HMGA2: variants seen among roughly 807,000 people sequenced by gnomAD.
The protein encoded by HMGA2 is high mobility group AT-hook 2, also known as high mobility group protein HMGI-C.
In HMGA2, 8 loss-of-function variants were observed where a neutral mutation model predicts 19.1. The observed-to-expected ratio is 0.42, with a 90% CI of 0.25 to 0.76. The LOEUF (loss-of-function observed/expected upper bound fraction) is 0.76. Among genes scored for constraint, HMGA2 ranks in the 30% least tolerant of loss-of-function variants. HMGA2 has a pLI of 0.28. For synonymous variants in HMGA2, 60 were observed against 48.8 expected (o/e 1.23, Z -0.96); for missense variants, 109 against 136.3 (o/e 0.80, Z 1.00).
At chr12:65,898,826 C>T (rs561075175) in intron 3 of HMGA2, among the ~76,000 whole-genome samples, 28 of 152,118 alleles carry the variant, frequency 1.8e-4, no homozygotes, top group Admixed American at 9.2e-4. Flanking sequence ...AGGCAGGTCA[C>T]AAGGTCAGGA....
chr12:65,866,468 T>TAACAGCAGATAGGACA (rs1872417802), intron 3 of HMGA2, among the ~76,000 whole-genome samples: 1 of 152,106 alleles, frequency 6.6e-6, no homozygotes, highest in East Asian at 1.9e-4. Flanking sequence ...TGGGCAACAT[T>TAACAGCAGATAGGACA]AACAGCAGAT....
chr12:65,830,573 A>T (rs1471064047), intron 2 of HMGA2, among the ~76,000 whole-genome samples: 1 of 151,918 alleles, frequency 6.6e-6, no homozygotes, highest in Admixed American at 6.6e-5. Context: ...AGGAGCTGCA[A>T]TGCACACTGA....
At chr12:65,842,803 G>A in intron 3 of HMGA2, 1 of 1,372,210 alleles carries the variant, frequency 7.3e-7, no homozygotes, top group Non-Finnish European at 9.4e-7. Context: ...TTCTATTCTT[G>A]CCTAGGAAAG....
At chr12:65,835,458 G>A (rs1177016709) in intron 2 of HMGA2, among the ~76,000 whole-genome samples, 1 of 152,182 alleles carries the variant, frequency 6.6e-6, no homozygotes, top group African/African-American at 2.4e-5. Context: ...TCTTCTAGAT[G>A]TAGTCTCAGA....
At chr12:65,925,858 T>C (rs1875486894) in intron 3 of HMGA2, among the ~76,000 whole-genome samples, 1 of 152,046 alleles carries the variant, frequency 6.6e-6, no homozygotes, top group African/African-American at 2.4e-5. Context: ...AGGAAGGAAG[T>C]TGTGAAAGGG....
chr12:65,903,371 G>T (rs1874453193), intron 3 of HMGA2, among the ~76,000 whole-genome samples: 1 of 152,174 alleles, frequency 6.6e-6, no homozygotes, highest in Admixed American at 6.5e-5. Context: ...TAAATCAATT[G>T]ATTTTTCAGC....
At chr12:65,834,965 A>G (rs1870650017) in intron 2 of HMGA2, among the ~76,000 whole-genome samples, 1 of 152,226 alleles carries the variant, frequency 6.6e-6, no homozygotes, top group Non-Finnish European at 1.5e-5. Context: ...ACTTTTAATG[A>G]GATATGATTG....
chr12:65,832,508 T>A (rs1482187341), intron 2 of HMGA2, among the ~76,000 whole-genome samples: 1 of 151,998 alleles, frequency 6.6e-6, no homozygotes, highest in Non-Finnish European at 1.5e-5. Flanking sequence ...TTTCAGTTCT[T>A]TCTTGAGAAT....
Position 65,838,523 on chromosome 12 carries a change from C to T in HMGA2, c.203C>T (p.Ala68Val). The T allele has an allele frequency of 6.2e-7, 1 of 1,610,730 alleles. No homozygotes were observed. The highest frequency in any genetic ancestry group is 8.5e-7 in the Non-Finnish European group (1 of 1,177,452). The change falls in exon 3 of 5, where the codon GCA becomes GTA. Residue 68 changes from alanine to valine, a missense_variant. Transcript: ENST00000403681. ...GACTTCCTTTTTCATTTGCAGAAAG[C>T]AGAAGCCACTGGAGAAAAACGGCCA... ...KSPSKAAQKK[A>V]EATGEKRPRG...
intron 3 of HMGA2, among the ~76,000 whole-genome samples, chr12:65,935,757 T>A (rs1875868339): frequency 6.6e-6 from 1 of 152,226 alleles, no homozygotes; most frequent in South Asian, 2.1e-4. Flanking sequence ...TTTTTTTCTT[T>A]CAAATCCTGA....
At chr12:65,860,400 C>G (rs1871995187) in intron 3 of HMGA2, among the ~76,000 whole-genome samples, 1 of 152,196 alleles carries the variant, frequency 6.6e-6, no homozygotes, top group South Asian at 2.1e-4. Context: ...ATCACTTTCA[C>G]ACCATCGTAA....
intron 3 of HMGA2, among the ~76,000 whole-genome samples, chr12:65,901,789 C>T (rs945266507): frequency 6.6e-6 from 1 of 151,998 alleles, no homozygotes; most frequent in Non-Finnish European, 1.5e-5. Context: ...TGACATGAAT[C>T]TATAAATCCC....
At chr12:65,828,503 A>T (rs1454381725) in intron 2 of HMGA2, 2 of 224,358 alleles carry the variant, frequency 8.9e-6, no homozygotes, top group African/African-American at 4.7e-5. Context: ...ATAAAGATTG[A>T]TTTACTTTGT....
chr12:65,849,461 C>G (rs1871361232), intron 3 of HMGA2, among the ~76,000 whole-genome samples: 1 of 152,130 alleles, frequency 6.6e-6, no homozygotes, highest in African/African-American at 2.4e-5. Flanking sequence ...TCATTCTGTG[C>G]TATTAATCTA....
intron 3 of HMGA2, among the ~76,000 whole-genome samples, chr12:65,892,954 T>A (rs886218553): frequency 1.3e-5 from 2 of 152,178 alleles, no homozygotes; most frequent in Non-Finnish European, 2.9e-5. Context: ...TCAAAGACTC[T>A]CTGCTTCCCG....
intron 3 of HMGA2, among the ~76,000 whole-genome samples, chr12:65,839,474 A>ATT (rs142130904): frequency 6.7e-6 from 1 of 149,226 alleles, no homozygotes; most frequent in Non-Finnish European, 1.5e-5. Flanking sequence ...TTTTAAAAAG[A>ATT]TTTTTTTTTT....
intron 3 of HMGA2, among the ~76,000 whole-genome samples, chr12:65,944,572 T>G (rs1483865777): frequency 6.6e-6 from 1 of 152,142 alleles, no homozygotes; most frequent in Non-Finnish European, 1.5e-5. Flanking sequence ...GAGTACAGGA[T>G]CTCAGAAGGT....
rs71096056 is a variant in HMGA2 at position 65,875,589 on chromosome 12, A to ATTTTT, written c.249+37057_249+37061dup. Among the ~76,000 whole-genome samples, 24 of 26,108 alleles carry ATTTTT rather than the reference A, an allele frequency of 9.2e-4. 4 individuals carry two copies. Among genetic ancestry groups the ATTTTT allele is most frequent in the Admixed American group, 1.4e-3 (2 of 1,476 alleles). 17.1% of individuals were successfully genotyped at this position (26,108 alleles called of 152,430 possible). On this transcript the variant is annotated intron_variant, in intron 3 of 4. Coordinates refer to ENST00000403681, the MANE Select transcript of HMGA2 (RefSeq NM_003483.6). Reference sequence around the variant, plus strand: ...CGGGCATATGCCACCGTGCCCGGCTATTTTTTTTTTTTTTTTTTTTTTTTT... The same window carrying ATTTTT: ...CGGGCATATGCCACCGTGCCCGGCTATTTTTTTTTTTTTTTTTTTTTTTTTTTTTT...
intron 3 of HMGA2, among the ~76,000 whole-genome samples, chr12:65,942,950 A>T (rs1876139883): frequency 6.6e-6 from 1 of 152,036 alleles, no homozygotes; most frequent in South Asian, 2.1e-4. Flanking sequence ...TTTTTCAGTG[A>T]CCTTATCTCT....
Sources: gnomAD v4.1 joint callset for allele counts (sites outside exome capture counted in the v4.1 genomes callset) on GRCh38, gnomAD v4.1.1 for gene constraint, MANE v1.5 for transcripts, NCBI Gene and HGNC (gene_info 2026-07-23, HGNC 2026-07-21) for gene names.